Variants in MYOM1 observed in about 807,000 individuals in gnomAD.
The protein encoded by MYOM1 is myomesin 1.
In MYOM1, 164 loss-of-function variants were observed where a neutral mutation model predicts 205.3. That is an observed-to-expected ratio of 0.80 (90% confidence interval 0.70 to 0.91). The LOEUF (loss-of-function observed/expected upper bound fraction) is 0.91. MYOM1 is among the 40% of genes least tolerant of loss of function. MYOM1 has a pLI of 0.00. For synonymous variants in MYOM1, 772 were observed against 789.4 expected, an observed-to-expected ratio of 0.98 and a Z score of 0.37; for missense variants, 2,011 against 2,127.3, an observed-to-expected ratio of 0.95 and a Z score of 1.08.
rs370515800 is a variant in MYOM1 at position 3,188,691 on chromosome 18, A to ACC, written c.771+55_771+56dup. On this transcript the variant is annotated intron_variant, in intron 4 of 37. Coordinates refer to ENST00000356443, the MANE Select transcript of MYOM1 (RefSeq NM_003803.4). The stretch of plus-strand genomic sequence containing the variant: ...TACACACACACACACACACACACAC[A>ACC]CCCCTTATGACATGCATTTCCACCT... 4,269 of 1,329,422 alleles carry ACC rather than the reference A, an allele frequency of 3.2e-3. 80 individuals carry two copies. In the African/African-American group the frequency reaches 0.052, roughly 16 times the overall value. 82.4% of individuals were successfully genotyped at this position (1,329,422 alleles called of 1,614,324 possible).
Position 3,189,125 on chromosome 18 carries a change from T to A in MYOM1, c.432-38A>T. The A allele has an allele frequency of 1.3e-6, 2 of 1,574,946 alleles. No individual in the cohort carries two copies. The highest frequency in any genetic ancestry group is 1.7e-6 in the Non-Finnish European group (2 of 1,155,438). The stretch of plus-strand genomic sequence containing the variant: ...AATGGCAAAATGTAGATGTTGTGGA[T>A]GGCAGTGATAAGATTGAGTAATTTT... On this transcript the variant is annotated intron_variant, in intron 3 of 37. Coordinates refer to ENST00000356443, the MANE Select transcript of MYOM1 (RefSeq NM_003803.4). The surrounding 1 kb of genome is among the most constrained non-coding windows in gnomAD (Gnocchi z 4.8).
At chr18:3,187,743 T>C in intron 4 of MYOM1, 106 bp from the exon 5 acceptor site, 1 of 1,109,280 alleles carries the variant, frequency 9.0e-7, no homozygotes, top group Non-Finnish European at 1.2e-6. Context: ...TATTTTTCCA[T>C]TTGGAAGCTT....
intron 35 of MYOM1, 70 bp from the exon 36 acceptor site, chr18:3,075,546 TGAC>T (rs1223323619): frequency 2.6e-6 from 4 of 1,541,828 alleles, no homozygotes; most frequent in East Asian, 2.2e-5. Context: ...TAGCTAAACT[TGAC>T]GACATTTTCC....
chr18:3,124,477 C>T (rs1024181316), intron 19 of MYOM1, among the ~76,000 whole-genome samples: 1 of 150,056 alleles, frequency 6.7e-6, no homozygotes, highest in Non-Finnish European at 1.5e-5. Flanking sequence ...GCTGAGTGCC[C>T]GCCACCACGC....
At chr18:3,123,482 A>G (rs2079728523) in intron 19 of MYOM1, among the ~76,000 whole-genome samples, 1 of 152,106 alleles carries the variant, frequency 6.6e-6, no homozygotes, top group Non-Finnish European at 1.5e-5. Flanking sequence ...AGGCTTTAAA[A>G]AGACCAAAAC....
chr18:3,212,363 A>G (rs2081201028), intron 2 of MYOM1, among the ~76,000 whole-genome samples: 1 of 152,358 alleles, frequency 6.6e-6, no homozygotes, highest in East Asian at 1.9e-4. Flanking sequence ...TTTATGGCCA[A>G]AATGGATAAG....
intron 10 of MYOM1, among the ~76,000 whole-genome samples, chr18:3,162,689 G>A (rs985266235): frequency 6.6e-5 from 10 of 152,296 alleles, no homozygotes; most frequent in Middle Eastern, 3.4e-3. Flanking sequence ...CTAGGATCCC[G>A]TGGAGGAATA....
chr18:3,225,254 C>G, the MYOM1 span, among the ~76,000 whole-genome samples: 1 of 145,216 alleles, frequency 6.9e-6, no homozygotes, highest in Non-Finnish European at 1.5e-5. Flanking sequence ...CCCAAAGTGC[C>G]GGGATTACAG....
intron 37 of MYOM1, among the ~76,000 whole-genome samples, chr18:3,069,212 G>A (rs988248238): frequency 1.6e-4 from 24 of 152,294 alleles, no homozygotes; most frequent in Non-Finnish European, 1.3e-4. Flanking sequence ...TTGTACACCA[G>A]CCCACCCAGC....
chr18:3,157,677 CAAAAATAATAAT>C (rs917640922), intron 10 of MYOM1, among the ~76,000 whole-genome samples: 16 of 94,532 alleles, frequency 1.7e-4, no homozygotes, highest in African/African-American at 7.3e-4. Context: ...ACCTTGTCTC[CAAAAATAATAAT>C]AATAATAATA....
At chr18:3,147,891 T>C (rs1054967624) in intron 13 of MYOM1, among the ~76,000 whole-genome samples, 3 of 152,188 alleles carry the variant, frequency 2.0e-5, no homozygotes, top group Non-Finnish European at 4.4e-5. Context: ...TAAAAACTAA[T>C]GCTATAACAT....
chr18:3,182,471 C>T (rs2080749459), intron 5 of MYOM1, among the ~76,000 whole-genome samples: 1 of 152,172 alleles, frequency 6.6e-6, no homozygotes, highest in African/African-American at 2.4e-5. Flanking sequence ...ACTATTCTCT[C>T]CTTTTAAAGA....
intron 9 of MYOM1, among the ~76,000 whole-genome samples, chr18:3,167,633 C>T (rs1440811459): frequency 1.3e-5 from 2 of 152,208 alleles, no homozygotes; most frequent in African/African-American, 4.8e-5. Flanking sequence ...GATCTGCCCA[C>T]TTCAGCCTCC....
chr18:3,093,632 A>G (rs1178552153), intron 26 of MYOM1: 1 of 152,122 alleles, frequency 6.6e-6, no homozygotes, highest in Admixed American at 6.6e-5. Context: ...AAGACTCCCC[A>G]CCACCACCAC....
At chr18:3,137,063 G>C (rs367605746) in intron 14 of MYOM1, among the ~76,000 whole-genome samples, 2 of 150,808 alleles carry the variant, frequency 1.3e-5, no homozygotes, top group African/African-American at 2.4e-5. Flanking sequence ...CCATTCTCCT[G>C]CCTCAGCCTC....
intron 8 of MYOM1, among the ~76,000 whole-genome samples, chr18:3,171,561 T>C (rs2080557687): frequency 6.6e-6 from 1 of 152,106 alleles, no homozygotes; most frequent in Non-Finnish European, 1.5e-5. Context: ...TGTCACGTCC[T>C]CAATCTTTTA....
Position 3,188,889 on chromosome 18 carries a change from T to G in MYOM1, c.630A>C (p.Ala210=). The change falls in exon 4 of 38, where the codon GCA becomes GCC. Residue 210 remains alanine (A), a synonymous_variant. Coordinates refer to ENST00000356443, the MANE Select transcript of MYOM1 (RefSeq NM_003803.4). ...KQSTASKQST[A]SRQSTASRQS... is the part of the protein sequence containing the mutation. ...GCCTGGATGCCGTGGACTGCCTGGA[T>G]GCCGTGGACTGCTTGGATGCTGTGG... 6.2e-7 allele frequency: 1 copy of G among 1,609,082 alleles called. No homozygotes were observed. The highest frequency in any genetic ancestry group is 1.1e-5 in the South Asian group (1 of 90,858).
At chr18:3,175,665 G>C (rs2080628073) in intron 6 of MYOM1, among the ~76,000 whole-genome samples, 1 of 152,116 alleles carries the variant, frequency 6.6e-6, no homozygotes, top group South Asian at 2.1e-4. Context: ...AAGAGACTGT[G>C]ATGATGATAT....
In MYOM1 at chr18:3,219,326, C is replaced by T. The variant is rs2081305550; in HGVS notation, c.-29+477G>A. ...TATCATTGTGCGCGCTCACATTTAT[C>T]CACATTGCATCGTCACAGCAAGATC... On this transcript the variant is annotated intron_variant, in intron 1 of 37. Coordinates refer to ENST00000356443, the MANE Select transcript of MYOM1 (RefSeq NM_003803.4). This position sits in a 1 kb window ranked among gnomAD's most constrained non-coding sequence, Gnocchi z 4.4. Among the ~76,000 whole-genome samples, 1 of 152,030 alleles carries T rather than the reference C, an allele frequency of 6.6e-6. No individual in the cohort carries two copies. The highest frequency in any genetic ancestry group is 2.1e-4 in the South Asian group (1 of 4,808).
Sources: allele counts gnomAD v4.1 joint callset (sites outside exome capture counted in the v4.1 genomes callset), GRCh38; gene constraint gnomAD v4.1.1; non-coding constraint Gnocchi (gnomAD v3.1); transcripts MANE v1.5; gene names NCBI Gene and HGNC (gene_info 2026-07-23, HGNC 2026-07-21).